The following OLA1 variants were observed in gnomAD, a reference collection of about 807,000 sequenced individuals.
The protein encoded by OLA1 is obg-like ATPase 1.
A neutral mutation model predicts 48.4 loss-of-function variants in OLA1; 14 were observed. That is an observed-to-expected ratio of 0.29 (90% CI 0.19 to 0.45). OLA1 has a LOEUF of 0.45. Ranked by LOEUF, OLA1 falls within the 20% of genes least tolerant of loss-of-function variation. OLA1 has a pLI of 1.00. For synonymous variants in OLA1, 127 were observed against 150.4 expected, an observed-to-expected ratio of 0.84 and a Z score of 1.14; for missense variants, 325 against 467.1, an observed-to-expected ratio of 0.70 and a Z score of 2.80.
At chr2:174,137,687 CTTCTT>C (rs1316345468) in intron 5 of OLA1, among the ~76,000 whole-genome samples, 1 of 152,202 alleles carries the variant, frequency 6.6e-6, no homozygotes, top group African/African-American at 2.4e-5. Flanking sequence ...AGGGCTATGG[CTTCTT>C]TTCTTAAACC....
In OLA1 at chr2:174,128,425, A is replaced by AT. The variant is rs528750568; in HGVS notation, c.550-4751dup. On this transcript the variant is annotated intron_variant, in intron 5 of 10. Coordinates refer to ENST00000284719, the MANE Select transcript of OLA1 (RefSeq NM_013341.5). ...CAAAAAAAAAATGAAAGAAATAAAC[A>AT]TTTTTTTTTTAAATAAAATATAGGC... is the stretch of plus-strand genomic sequence containing the variant. Among the ~76,000 whole-genome samples, 421 of 148,564 alleles carry AT rather than the reference A, an allele frequency of 2.8e-3. 3 individuals are homozygous for AT. The highest frequency in any genetic ancestry group is 4.2e-3 in the Non-Finnish European group (283 of 66,862).
At chr2:174,087,031 C>CT (rs374845811) in intron 7 of OLA1, among the ~76,000 whole-genome samples, 8,393 of 142,026 alleles carry the variant, frequency 0.059, 302 homozygotes, top group Middle Eastern at 0.14. Flanking sequence ...TTCTTTTTTT[C>CT]TTTTTTTTTT....
chr2:174,219,172 G>A (rs1688435035), intron 4 of OLA1, among the ~76,000 whole-genome samples: 1 of 151,564 alleles, frequency 6.6e-6, no homozygotes, highest in South Asian at 2.1e-4. Flanking sequence ...GCCGGACACG[G>A]TGGCTCATGA....
intron 4 of OLA1, among the ~76,000 whole-genome samples, chr2:174,194,161 C>G (rs1034611482): frequency 6.6e-6 from 1 of 152,154 alleles, no homozygotes; most frequent in Non-Finnish European, 1.5e-5. Context: ...CACCGCTGTT[C>G]TCGTCCCCAG....
At chr2:174,193,710 T>C (rs1687824097) in intron 4 of OLA1, among the ~76,000 whole-genome samples, 1 of 152,176 alleles carries the variant, frequency 6.6e-6, no homozygotes, top group Non-Finnish European at 1.5e-5. Context: ...ATCAGAGTAA[T>C]GTCTATTCTA....
chr2:174,179,879 T>A (rs1321239550), intron 4 of OLA1, among the ~76,000 whole-genome samples: 1 of 152,070 alleles, frequency 6.6e-6, no homozygotes, highest in Non-Finnish European at 1.5e-5. Flanking sequence ...GCAAGTCACA[T>A]AATGAGAACC....
intron 4 of OLA1, among the ~76,000 whole-genome samples, chr2:174,209,084 G>C (rs1688182159): frequency 6.6e-6 from 1 of 152,146 alleles, no homozygotes. Flanking sequence ...CTTGAGCTTA[G>C]AAATTTGAGA....
At chr2:174,206,912 T>A (rs1688128086) in intron 4 of OLA1, among the ~76,000 whole-genome samples, 1 of 152,048 alleles carries the variant, frequency 6.6e-6, no homozygotes, top group African/African-American at 2.4e-5. Flanking sequence ...AAAAGAAAAT[T>A]ACAGGACCCA....
At chr2:174,166,080 G>A (rs939529019) in intron 4 of OLA1, among the ~76,000 whole-genome samples, 1 of 150,650 alleles carries the variant, frequency 6.6e-6, no homozygotes, top group Non-Finnish European at 1.5e-5. Context: ...AGCAGAGATC[G>A]TGCCACTGCA....
chr2:174,237,452 T>A (rs994943129), intron 2 of OLA1, among the ~76,000 whole-genome samples: 1 of 151,964 alleles, frequency 6.6e-6, no homozygotes, highest in Non-Finnish European at 1.5e-5. Context: ...AAAGTAACCA[T>A]AAAAATTACA....
chr2:174,154,223 C>T (rs1172830292), intron 4 of OLA1, among the ~76,000 whole-genome samples: 1 of 151,808 alleles, frequency 6.6e-6, no homozygotes, highest in African/African-American at 2.4e-5. Flanking sequence ...CAATATTGAG[C>T]TGACTGTTTC....
At chr2:174,136,320 C>T (rs1363733577) in intron 5 of OLA1, among the ~76,000 whole-genome samples, 1 of 152,218 alleles carries the variant, frequency 6.6e-6, no homozygotes, top group Non-Finnish European at 1.5e-5. Flanking sequence ...CAAACCCCGC[C>T]ACTGCCTTAC....
chr2:174,235,104 A>C (rs1688817352), intron 2 of OLA1, among the ~76,000 whole-genome samples: 1 of 152,176 alleles, frequency 6.6e-6, no homozygotes, highest in Admixed American at 6.5e-5. Context: ...GGTTGCAGTG[A>C]GTGGAGATCG....
chr2:174,188,762 A>T (rs779680801), intron 4 of OLA1, among the ~76,000 whole-genome samples: 3 of 152,186 alleles, frequency 2.0e-5, no homozygotes, highest in South Asian at 2.1e-4. Context: ...CAAAATTATT[A>T]AAAAATATTG....
In OLA1 at chr2:174,073,933, T is replaced by C. The variant is rs1364653037; in HGVS notation, c.*1493A>G. On this transcript the variant is annotated 3_prime_UTR_variant, in exon 11 of 11. Transcript: ENST00000284719. ...TAGTTTTATTCTTATTTCTCTGCTG[T>C]AGTTTACTCATTTTTATGTTAGCAA... 3 of 152,252 alleles carry C rather than the reference T, an allele frequency of 2.0e-5. No homozygotes were observed. The highest frequency in any genetic ancestry group is 4.8e-5 in the African/African-American group (2 of 41,462). 9.4% of individuals were successfully genotyped at this position (152,252 alleles called of 1,614,324 possible).
At chr2:174,096,149 C>T (rs902266500) in intron 7 of OLA1, among the ~76,000 whole-genome samples, 5 of 152,134 alleles carry the variant, frequency 3.3e-5, no homozygotes, top group South Asian at 2.1e-4. Context: ...CATGGGTGAA[C>T]GTTGAAAACA....
At chr2:174,105,483 T>G (rs548918677) in intron 7 of OLA1, among the ~76,000 whole-genome samples, 4 of 152,008 alleles carry the variant, frequency 2.6e-5, no homozygotes, top group Non-Finnish European at 5.9e-5. Context: ...AAAAACAGAA[T>G]TAATGTATAA....
At chr2:174,152,190 T>C (rs1240175099) in intron 4 of OLA1, among the ~76,000 whole-genome samples, 1 of 152,146 alleles carries the variant, frequency 6.6e-6, no homozygotes. Context: ...GCAGATCACC[T>C]AAGGTCAGGA....
chr2:174,141,452 T>C (rs1300016727), intron 5 of OLA1, among the ~76,000 whole-genome samples: 4 of 152,212 alleles, frequency 2.6e-5, no homozygotes, highest in Non-Finnish European at 5.9e-5. Flanking sequence ...TCCACCCCTA[T>C]GGAGAACCAG....
Sources: gnomAD v4.1 joint callset for allele counts (sites outside exome capture counted in the v4.1 genomes callset) on GRCh38, gnomAD v4.1.1 for gene constraint, MANE v1.5 for transcripts, NCBI Gene and HGNC (gene_info 2026-07-23, HGNC 2026-07-21) for gene names.